The following SMAD9 variants were observed in gnomAD, a reference collection of about 807,000 sequenced individuals.
SMAD9 encodes SMAD family member 9.
In SMAD9, 36 loss-of-function variants were observed where a neutral mutation model predicts 46.1. The observed-to-expected ratio is 0.78, with a 90% confidence interval of 0.60 to 1.03. The LOEUF (loss-of-function observed/expected upper bound fraction) is 1.03, where lower values mean the gene tolerates loss of function less well. Among genes scored for constraint, SMAD9 ranks in the 50% least tolerant of loss-of-function variants. The pLI, the probability that SMAD9 is intolerant of heterozygous loss-of-function variation, is 0.00. For synonymous variants in SMAD9, 245 were observed against 237.1 expected (o/e 1.03, Z -0.31); for missense variants, 572 against 599.8 (o/e 0.95, Z 0.48).
intron 1 of SMAD9, among the ~76,000 whole-genome samples, chr13:36,883,371 C>T (rs2058419793): frequency 6.6e-6 from 1 of 152,188 alleles, no homozygotes. Context: ...TAAGTGAGCC[C>T]AACCTGAGGG....
At chr13:36,853,718 T>C (rs771412263) in intron 5 of SMAD9, 43 bp from the exon 6 acceptor site, 2 of 1,609,078 alleles carry the variant, frequency 1.2e-6, no homozygotes, top group East Asian at 4.5e-5. Flanking sequence ...TGCCCTTTCA[T>C]AGCGTGCCTC....
chr13:36,857,986 A>G (rs2058142857), intron 5 of SMAD9, among the ~76,000 whole-genome samples: 1 of 152,214 alleles, frequency 6.6e-6, no homozygotes, highest in South Asian at 2.1e-4. Flanking sequence ...TATTTCTTAT[A>G]TAGTTAGATA....
At chr13:36,882,350 C>T (rs1249324881) in intron 1 of SMAD9, among the ~76,000 whole-genome samples, 1 of 151,920 alleles carries the variant, frequency 6.6e-6, no homozygotes, top group African/African-American at 2.4e-5. Context: ...AGCACTACTC[C>T]TAAACCATAC....
At chr13:36,877,922 T>C (rs573279294) in intron 2 of SMAD9, among the ~76,000 whole-genome samples, 1 of 152,262 alleles carries the variant, frequency 6.6e-6, no homozygotes, top group East Asian at 1.9e-4. Flanking sequence ...GACCATCTCT[T>C]CACTGGACAT....
At chr13:36,849,276 T>TCTC (rs1491296617) in intron 6 of SMAD9, 1 of 7,318 alleles carries the variant, frequency 1.4e-4, no homozygotes, top group African/African-American at 3.6e-4. Flanking sequence ...GCTTGCTTAT[T>TCTC]CTCTCTCTCT....
chr13:36,891,666 C>T lies in SMAD9; in HGVS notation c.-186-11791G>A, dbSNP rs544034551. 5.1e-4 allele frequency among the ~76,000 whole-genome samples: 77 copies of T among 152,242 alleles called. 1 individual carries two copies. The highest frequency in any genetic ancestry group is 1.7e-3 in the African/African-American group (70 of 41,526). On this transcript the variant is annotated intron_variant, in intron 1 of 6. Transcript: ENST00000379826. The stretch of plus-strand genomic sequence containing the variant: ...AACTGGCACCCACAGGACAGCTTCC[C>T]GGTTCCCTAGGTCAGAGCTGGATGG...
intron 5 of SMAD9, among the ~76,000 whole-genome samples, chr13:36,859,923 G>A (rs888534261): frequency 1.1e-4 from 17 of 151,536 alleles, no homozygotes; most frequent in African/African-American, 3.9e-4. Flanking sequence ...TTGTGCCATT[G>A]CACTCCAGCC....
intron 1 of SMAD9, among the ~76,000 whole-genome samples, chr13:36,908,542 T>C (rs1055509653): frequency 1.3e-5 from 2 of 152,194 alleles, no homozygotes; most frequent in Middle Eastern, 3.2e-3. Context: ...TATAACAGAA[T>C]AGAATCTACT....
chr13:36,858,067 G>A (rs933749101), intron 5 of SMAD9, among the ~76,000 whole-genome samples: 2 of 152,166 alleles, frequency 1.3e-5, no homozygotes, highest in African/African-American at 4.8e-5. Context: ...CAAAAATACT[G>A]TAGAGCGATA....
At chr13:36,900,543 C>T (rs1008766623) in intron 1 of SMAD9, among the ~76,000 whole-genome samples, 9 of 151,936 alleles carry the variant, frequency 5.9e-5, no homozygotes, top group South Asian at 2.1e-4. Flanking sequence ...CTTCTCAAAA[C>T]GCTGGGATTA....
intron 1 of SMAD9, among the ~76,000 whole-genome samples, chr13:36,880,503 G>C (rs1329056726): frequency 2.0e-5 from 3 of 152,192 alleles, no homozygotes; most frequent in African/African-American, 7.2e-5. Flanking sequence ...AAAGAATCGT[G>C]AATAATCTCA....
intron 1 of SMAD9, among the ~76,000 whole-genome samples, chr13:36,887,848 T>C (rs2058460101): frequency 6.6e-6 from 1 of 152,156 alleles, no homozygotes; most frequent in African/African-American, 2.4e-5. Flanking sequence ...GATGAGGGTG[T>C]TCCCTCTGAA....
intron 1 of SMAD9, among the ~76,000 whole-genome samples, chr13:36,887,443 G>A (rs1224601934): frequency 6.6e-6 from 1 of 151,716 alleles, no homozygotes; most frequent in African/African-American, 2.4e-5. Context: ...GGCTGGTCTC[G>A]AACTCCTGAC....
At position 36,905,141 on chromosome 13, in the gene SMAD9, A is replaced by G. The variant is rs541419908; in HGVS notation, c.-187+14975T>C. On this transcript the variant is annotated intron_variant, in intron 1 of 6. Transcript: ENST00000379826. ...GGTGCCACTGGCCTCTAGTGGGCAG[A>G]GGTCAGGGATACTGTTAAACATCCT... Among the ~76,000 whole-genome samples, 104 of 152,166 alleles carry G rather than the reference A, an allele frequency of 6.8e-4. 4 individuals carry two copies. Among genetic ancestry groups the G allele is most frequent in the Non-Finnish European group, 2.2e-4 (15 of 68,022 alleles).
chr13:36,889,217 TG>T (rs2058471286), intron 1 of SMAD9, among the ~76,000 whole-genome samples: 2 of 152,304 alleles, frequency 1.3e-5, no homozygotes, highest in African/African-American at 2.4e-5. Flanking sequence ...TTAGTGTCTC[TG>T]GGGTGCCCAC....
intron 1 of SMAD9, among the ~76,000 whole-genome samples, chr13:36,901,540 GC>G (rs1410952273): frequency 6.6e-6 from 1 of 151,404 alleles, no homozygotes; most frequent in African/African-American, 2.4e-5. Flanking sequence ...TGATTCTCCT[GC>G]CTCAGCCTCC....
chr13:36,870,667 T>TTCTCCACCAGA (rs2058283974), intron 3 of SMAD9, among the ~76,000 whole-genome samples: 1 of 123,182 alleles, frequency 8.1e-6, no homozygotes, highest in African/African-American at 3.5e-5. Context: ...AGTGGCTACC[T>TTCTCCACCAGA]GAAGTTGTGG....
Position 36,889,396 on chromosome 13 carries a change from G to C in SMAD9, c.-186-9521C>G, listed in dbSNP as rs528245561. 1.7e-4 allele frequency among the ~76,000 whole-genome samples: 26 copies of C among 152,156 alleles called. No individual in the cohort carries two copies. In the South Asian group the frequency reaches 2.3e-3, roughly 13 times the overall value. ...CAGGTAGTGACCACCTTTCTAACAG[G>C]GACAATCCATTCATCACGAGCTCCT... is the stretch of plus-strand genomic sequence containing the variant. On this transcript the variant is annotated intron_variant, in intron 1 of 6. Coordinates refer to ENST00000379826, the MANE Select transcript of SMAD9 (RefSeq NM_001127217.3).
intron 1 of SMAD9, among the ~76,000 whole-genome samples, chr13:36,882,108 T>TCC: frequency 6.6e-6 from 1 of 152,226 alleles, no homozygotes. Context: ...ATCAATGAAT[T>TCC]GGAACAAAAC....
Sources: gnomAD v4.1 joint callset for allele counts (sites outside exome capture counted in the v4.1 genomes callset) on GRCh38, gnomAD v4.1.1 for gene constraint, MANE v1.5 for transcripts, NCBI Gene and HGNC (gene_info 2026-07-23, HGNC 2026-07-21) for gene names.